Variants in CACNG5 observed in about 807,000 individuals in gnomAD.
CACNG5 encodes voltage-dependent calcium channel gamma-5 subunit.
CACNG5 carries 18 observed loss-of-function variants against 24.8 expected under a neutral mutation model. The ratio of observed to expected loss-of-function variants is 0.73; its 90% CI spans 0.50 to 1.08. The LOEUF is 1.08. Among genes scored for constraint, CACNG5 ranks in the 50% least tolerant of loss-of-function variants. The pLI is 0.00. For synonymous variants in CACNG5, 157 were observed against 149.1 expected, an observed-to-expected ratio of 1.05 and a Z score of -0.39; for missense variants, 349 against 367.9, an observed-to-expected ratio of 0.95 and a Z score of 0.42.
At position 66,889,298 on chromosome 17, in the gene CACNG5, G is replaced by A. The variant is rs560384359; in HGVS notation, c.*4058G>A. Among the ~76,000 whole-genome samples, 1 of 152,272 alleles carries A rather than the reference G, an allele frequency of 6.6e-6. No individual in the cohort carries two copies. Among genetic ancestry groups the A allele is most frequent in the Non-Finnish European group, 1.5e-5 (1 of 68,024 alleles). ...CTTGTCCCATGGGTGAGTCAATGAT[G>A]TCCTCCCAGCCCCACCAGTGACCTT... On this transcript the variant is annotated 3_prime_UTR_variant, in exon 6 of 6. Transcript: ENST00000533854.
rs770607611 is a variant in CACNG5 at position 66,890,894 on chromosome 17, C to T, written c.*5654C>T. ...CAGCCCCTGCCTCCTGATGGAGGCA[C>T]CCAGATGACAACACTCCAAAGAATG... On this transcript the variant is annotated 3_prime_UTR_variant, in exon 6 of 6. Transcript: ENST00000533854. Among the ~76,000 whole-genome samples the T allele has an allele frequency of 6.6e-6, 1 of 152,170 alleles. No homozygotes were observed. The highest frequency in any genetic ancestry group is 1.5e-5 in the Non-Finnish European group (1 of 68,026).
intron 1 of CACNG5, among the ~76,000 whole-genome samples, chr17:66,867,284 G>A (rs1477064376): frequency 6.6e-6 from 1 of 152,042 alleles, no homozygotes; most frequent in Non-Finnish European, 1.5e-5. Flanking sequence ...AGAAGCATCT[G>A]TTCATGTCCT....
chr17:66,860,368 G>A (rs1295409725), intron 1 of CACNG5, among the ~76,000 whole-genome samples: 1 of 152,230 alleles, frequency 6.6e-6, no homozygotes, highest in East Asian at 1.9e-4. Flanking sequence ...AAAAGACAAA[G>A]ATAAAATCTT....
intron 1 of CACNG5, 98 bp downstream of exon 1, chr17:66,835,348 C>A (rs1221997981): frequency 6.6e-6 from 1 of 152,566 alleles, no homozygotes; most frequent in Admixed American, 6.5e-5. Flanking sequence ...CGCCGGGCTG[C>A]GCCCCCATGA....
intron 1 of CACNG5, among the ~76,000 whole-genome samples, chr17:66,836,798 G>A (rs1976487030): frequency 6.6e-6 from 1 of 152,246 alleles, no homozygotes; most frequent in Non-Finnish European, 1.5e-5. Flanking sequence ...TGCTGTGGCT[G>A]GGGCTGTTGG....
chr17:66,862,892 C>CTCTCTCTCTG (rs567913804), intron 1 of CACNG5, among the ~76,000 whole-genome samples: 60 of 142,254 alleles, frequency 4.2e-4, no homozygotes, highest in African/African-American at 1.4e-3. Context: ...AGCATATTCT[C>CTCTCTCTCTG]TGTGTGTGTG....
Position 66,885,166 on chromosome 17 carries a change from C to A in CACNG5, c.754C>A (p.Leu252Met), listed in dbSNP as rs754610831. The A allele has an allele frequency of 1.2e-6, 2 of 1,612,748 alleles. No individual in the cohort carries two copies. Among genetic ancestry groups the A allele is most frequent in the South Asian group, 2.2e-5 (2 of 91,078 alleles). The change falls in exon 6 of 6, where the codon CTG (leucine) becomes ATG (methionine). Residue 252 changes from leucine to methionine, a missense_variant. Coordinates refer to ENST00000533854, the MANE Select transcript of CACNG5 (RefSeq NM_145811.3). ...SPSDISSEAS[L>M]QMNSNYPALL... ...CTCCGACATCTCCAGCGAGGCCTCC[C>A]TGCAGATGAACAGCAACTACCCCGC...
rs558556132 is a variant in CACNG5, at chr17:66,887,747, T to A, written c.*2507T>A. ...AGACATCACTAGGTTCGGTCTTCAC[T>A]GGCCCTGATGCTGAGCTGCTAAATG... On this transcript the variant is annotated 3_prime_UTR_variant, in exon 6 of 6. Coordinates refer to ENST00000533854, the MANE Select transcript of CACNG5 (RefSeq NM_145811.3). 2.6e-5 allele frequency among the ~76,000 whole-genome samples: 4 copies of A among 152,314 alleles called. No homozygotes were observed. The highest frequency in any genetic ancestry group is 7.2e-5 in the African/African-American group (3 of 41,568).
rs992057844 is a variant in CACNG5, at chr17:66,894,097, C to T, written c.*8857C>T. 1.3e-5 allele frequency among the ~76,000 whole-genome samples: 2 copies of T among 152,088 alleles called. No homozygotes were observed. The highest frequency in any genetic ancestry group is 2.4e-5 in the African/African-American group (1 of 41,402). On this transcript the variant is annotated 3_prime_UTR_variant, in exon 6 of 6. Transcript: ENST00000533854. ...TCCTGTGTCCTCGTAAACACCATCCCGCCACCCCTCTCAGGCCCTGCCAAG... is the reference window on the plus strand; with the variant it reads ...TCCTGTGTCCTCGTAAACACCATCCTGCCACCCCTCTCAGGCCCTGCCAAG...
At chr17:66,868,712 A>G (rs72843360) in intron 1 of CACNG5, among the ~76,000 whole-genome samples, 2 of 152,264 alleles carry the variant, frequency 1.3e-5, no homozygotes, top group Non-Finnish European at 2.9e-5. Flanking sequence ...GCTGTGCTTG[A>G]CGTGTCCTTA....
chr17:66,893,725 G>GC lies in CACNG5; in HGVS notation c.*8492dup, dbSNP rs3833119. Among the ~76,000 whole-genome samples, 17 of 128,620 alleles carry GC rather than the reference G, an allele frequency of 1.3e-4. No individual in the cohort carries two copies. The highest frequency in any genetic ancestry group is 1.5e-4 in the African/African-American group (5 of 33,984). The allele number at this position is 128,620 out of a possible 152,430, so 84.4% of individuals were successfully genotyped here. A position where few individuals can be genotyped will look rare whatever the true frequency, so the allele number is the denominator to read the frequency against. ...GGGTGTGCCATGGCAGGTGAGACCCGCCCCCCCAACCCGGCATTCTGAAGC... is the reference window on the plus strand; with the variant it reads ...GGGTGTGCCATGGCAGGTGAGACCCGCCCCCCCCAACCCGGCATTCTGAAGC... On this transcript the variant is annotated 3_prime_UTR_variant, in exon 6 of 6. Coordinates refer to ENST00000533854, the MANE Select transcript of CACNG5 (RefSeq NM_145811.3).
intron 1 of CACNG5, among the ~76,000 whole-genome samples, chr17:66,864,059 C>A (rs919610814): frequency 6.6e-6 from 1 of 152,198 alleles, no homozygotes; most frequent in Non-Finnish European, 1.5e-5. Context: ...GCATTGTCAT[C>A]TTCCCCAAGG....
rs1252832063 is a variant in CACNG5 at position 66,886,756 on chromosome 17, G to A, written c.*1516G>A. ...TGTCAGGCAGCCGGGCTGCCGCAAT[G>A]AACTACCACAGACTGAGTGGCTTAA... On this transcript the variant is annotated 3_prime_UTR_variant, in exon 6 of 6. Transcript: ENST00000533854. 6.6e-6 allele frequency among the ~76,000 whole-genome samples: 1 copy of A among 152,220 alleles called. No homozygotes were observed. The highest frequency in any genetic ancestry group is 6.5e-5 in the Admixed American group (1 of 15,282).
rs1977245659 is a variant in CACNG5 at position 66,885,480 on chromosome 17, C to T, written c.*240C>T. On this transcript the variant is annotated 3_prime_UTR_variant, in exon 6 of 6. Transcript: ENST00000533854. Reference sequence around the variant, plus strand: ...GTCTGGGAACATGGGAGAAGCCCCGCCCATGTGAGTGCCAATCACAGCAGT... The same window carrying T: ...GTCTGGGAACATGGGAGAAGCCCCGTCCATGTGAGTGCCAATCACAGCAGT... The T allele has an allele frequency of 1.9e-6, 1 of 517,828 alleles. No homozygotes were observed. Among genetic ancestry groups the T allele is most frequent in the East Asian group, 3.1e-5 (1 of 32,488 alleles). 32.1% of individuals were successfully genotyped at this position (517,828 alleles called of 1,614,324 possible).
intron 1 of CACNG5, among the ~76,000 whole-genome samples, chr17:66,871,441 C>T (rs1977005650): frequency 6.6e-6 from 1 of 152,174 alleles, no homozygotes; most frequent in African/African-American, 2.4e-5. Context: ...TCCTTCCCAG[C>T]AATTGATAAC....
chr17:66,885,426 G>A lies in CACNG5; in HGVS notation c.*186G>A. 1.5e-6 allele frequency: 1 copy of A among 651,918 alleles called. No individual in the cohort carries two copies. The highest frequency in any genetic ancestry group is 2.5e-6 in the Non-Finnish European group (1 of 399,598). 40.4% of individuals were successfully genotyped at this position (651,918 alleles called of 1,614,324 possible). ...CTCTAACTGCCCCAGCATGGGTGTG[G>A]GAGTCTGGAGTCTGTGGGCAAGCTG... On this transcript the variant is annotated 3_prime_UTR_variant, in exon 6 of 6. Transcript: ENST00000533854.
intron 1 of CACNG5, among the ~76,000 whole-genome samples, chr17:66,846,170 G>A (rs1021227315): frequency 3.5e-4 from 53 of 152,252 alleles, no homozygotes; most frequent in Admixed American, 3.0e-3. Flanking sequence ...TTGGGTATGC[G>A]TTTTTTAAAT....
chr17:66,882,142 AAG>A (rs1243082662), intron 4 of CACNG5, among the ~76,000 whole-genome samples: 1 of 152,138 alleles, frequency 6.6e-6, no homozygotes, highest in Non-Finnish European at 1.5e-5. Context: ...GATGGTGGAA[AAG>A]AGAGAAATGA....
intron 1 of CACNG5, among the ~76,000 whole-genome samples, chr17:66,857,846 C>T (rs537759291): frequency 3.3e-4 from 51 of 152,322 alleles, no homozygotes; most frequent in African/African-American, 1.2e-3. Flanking sequence ...TATCCGGTCC[C>T]AGCCCACTCC....
Sources: allele counts gnomAD v4.1 joint callset (sites outside exome capture counted in the v4.1 genomes callset), GRCh38; gene constraint gnomAD v4.1.1; transcripts MANE v1.5; gene names NCBI Gene and HGNC (gene_info 2026-07-23, HGNC 2026-07-21).